Variants in PDE9A observed in about 807,000 individuals in gnomAD.
The protein encoded by PDE9A is high affinity cGMP-specific 3',5'-cyclic phosphodiesterase 9A.
PDE9A carries 60 observed loss-of-function variants against 87.4 expected under a neutral mutation model. That is an observed-to-expected ratio of 0.69 (90% CI 0.56 to 0.85). The LOEUF is 0.85. PDE9A is among the 40% of genes least tolerant of loss of function. The pLI, the probability that PDE9A is intolerant of heterozygous loss-of-function variation, is 0.00. For synonymous variants in PDE9A, 272 were observed against 279.4 expected (o/e 0.97, Z 0.27); for missense variants, 665 against 779.0 (o/e 0.85, Z 1.74).
chr21:42,730,185 C>T (rs2051571149), intron 4 of PDE9A, among the ~76,000 whole-genome samples: 1 of 152,198 alleles, frequency 6.6e-6, no homozygotes, highest in Non-Finnish European at 1.5e-5. Flanking sequence ...TCTTCCCCCA[C>T]TAGTAGGTGT....
At position 42,694,835 on chromosome 21, in the gene PDE9A, G is replaced by A. The variant is rs778534320; in HGVS notation, c.219-4133G>A. On this transcript the variant is annotated intron_variant, in intron 3 of 19. Transcript: ENST00000291539. The surrounding 1 kb of genome is among the most constrained non-coding windows in gnomAD (Gnocchi z 5.3). The stretch of plus-strand genomic sequence containing the variant: ...CCTGTTGGCTACAGGACACTCTCCA[G>A]CCCCCCGCATTGGGATGTCTGGCCC... Among the ~76,000 whole-genome samples the A allele has an allele frequency of 2.6e-5, 4 of 152,102 alleles. No homozygotes were observed. Among genetic ancestry groups the A allele is most frequent in the Non-Finnish European group, 5.9e-5 (4 of 68,016 alleles).
At chr21:42,729,670 C>T (rs1224699618) in intron 4 of PDE9A, among the ~76,000 whole-genome samples, 1 of 152,174 alleles carries the variant, frequency 6.6e-6, no homozygotes, top group African/African-American at 2.4e-5. Flanking sequence ...TTGCTTTAGT[C>T]ATGTCCCACA....
chr21:42,674,616 C>T (rs532244147), intron 1 of PDE9A, among the ~76,000 whole-genome samples: 2 of 152,306 alleles, frequency 1.3e-5, no homozygotes, highest in African/African-American at 4.8e-5. Flanking sequence ...CCGCCTTGTC[C>T]TCCATGCCGG....
At chr21:42,676,712 A>C (rs569186180) in intron 1 of PDE9A, among the ~76,000 whole-genome samples, 1 of 152,084 alleles carries the variant, frequency 6.6e-6, no homozygotes, top group Non-Finnish European at 1.5e-5. Flanking sequence ...GCAGTGCGTC[A>C]CCTTCTCACA....
intron 4 of PDE9A, among the ~76,000 whole-genome samples, chr21:42,708,700 G>A (rs746559063): frequency 2.3e-4 from 35 of 152,086 alleles, no homozygotes; most frequent in African/African-American, 6.0e-4. Flanking sequence ...GATTACAGGC[G>A]CATGCCACCA....
intron 1 of PDE9A, among the ~76,000 whole-genome samples, chr21:42,655,555 C>T (rs998238476): frequency 5.3e-5 from 8 of 152,232 alleles, no homozygotes; most frequent in Admixed American, 2.6e-4. Flanking sequence ...GGCACCTTTG[C>T]GGGGGAGAGG....
intron 1 of PDE9A, among the ~76,000 whole-genome samples, chr21:42,676,724 T>C (rs2058863285): frequency 6.6e-6 from 1 of 152,190 alleles, no homozygotes; most frequent in Non-Finnish European, 1.5e-5. Context: ...CTTCTCACAA[T>C]TGTCAACGGG....
chr21:42,740,755 G>GGATAGATAGATAGATAGATA (rs58917556), intron 7 of PDE9A, among the ~76,000 whole-genome samples: 3 of 140,186 alleles, frequency 2.1e-5, no homozygotes, highest in Non-Finnish European at 1.5e-5. Flanking sequence ...TAGATAAACA[G>GGATAGATAGATAGATAGATA]GATAGATAGA....
chr21:42,669,034 C>T (rs1005127073), intron 1 of PDE9A, among the ~76,000 whole-genome samples: 35 of 152,144 alleles, frequency 2.3e-4, no homozygotes, highest in African/African-American at 8.2e-4. Flanking sequence ...CATACACGCG[C>T]TGAGGCCCAC....
intron 8 of PDE9A, among the ~76,000 whole-genome samples, chr21:42,748,177 G>C (rs1005072508): frequency 6.6e-6 from 1 of 152,232 alleles, no homozygotes; most frequent in Non-Finnish European, 1.5e-5. Flanking sequence ...ACACAAAACA[G>C]GTTAAAAGCA....
chr21:42,670,649 AT>A (rs1452153175), intron 1 of PDE9A, among the ~76,000 whole-genome samples: 1 of 146,984 alleles, frequency 6.8e-6, no homozygotes, highest in African/African-American at 2.7e-5. Context: ...ACAAACTATC[AT>A]TCACACACAT....
At chr21:42,670,782 CACATAT>C (rs1569120538) in intron 1 of PDE9A, among the ~76,000 whole-genome samples, 2 of 152,120 alleles carry the variant, frequency 1.3e-5, no homozygotes, top group African/African-American at 2.4e-5. Flanking sequence ...CACTCTGACA[CACATAT>C]ACATACATTC....
At chr21:42,719,044 C>CAT (rs2050222899) in intron 4 of PDE9A, among the ~76,000 whole-genome samples, 1 of 151,658 alleles carries the variant, frequency 6.6e-6, no homozygotes, top group African/African-American at 2.4e-5. Context: ...ATTTATCAAG[C>CAT]CTCTCTAACT....
chr21:42,766,158 C>T (rs1200697221), intron 15 of PDE9A, among the ~76,000 whole-genome samples: 2 of 152,084 alleles, frequency 1.3e-5, no homozygotes, highest in East Asian at 3.9e-4. Flanking sequence ...AGCAAGACTC[C>T]ATCTCCACAA....
intron 9 of PDE9A, among the ~76,000 whole-genome samples, chr21:42,752,651 G>A (rs374412776): frequency 3.9e-5 from 6 of 152,222 alleles, no homozygotes; most frequent in Admixed American, 2.6e-4. Context: ...CCAGGGAGCC[G>A]TGAAGCACAG....
chr21:42,701,231 T>G (rs997138488), intron 4 of PDE9A: 1 of 152,032 alleles, frequency 6.6e-6, no homozygotes, highest in African/African-American at 2.4e-5. Context: ...GCAAATGGAC[T>G]TTTTTTTCAT....
chr21:42,704,668 G>A lies in PDE9A; in HGVS notation c.262+5657G>A, dbSNP rs2048676520. 1.3e-5 allele frequency among the ~76,000 whole-genome samples: 2 copies of A among 152,004 alleles called. No homozygotes were observed. The highest frequency in any genetic ancestry group is 2.9e-5 in the Non-Finnish European group (2 of 68,002). Reference sequence around the variant, plus strand: ...AGTTCTGGCCTGTAAGCAACCCCAGGTGCCCTTGTGAATCAACAGACCACA... The same window carrying A: ...AGTTCTGGCCTGTAAGCAACCCCAGATGCCCTTGTGAATCAACAGACCACA... On this transcript the variant is annotated intron_variant, in intron 4 of 19. Transcript: ENST00000291539. The surrounding 1 kb of genome is among the most constrained non-coding windows in gnomAD (Gnocchi z 5.3).
At position 42,692,198 on chromosome 21, in the gene PDE9A, A is replaced by G. The variant is rs1037821142; in HGVS notation, c.218+4204A>G. ...GCAGGATGGAATGAGTTGGGGACGG[A>G]GTGAACCAGTCCAGCTCGTGCGTGC... On this transcript the variant is annotated intron_variant, in intron 3 of 19. Coordinates refer to ENST00000291539, the MANE Select transcript of PDE9A (RefSeq NM_002606.3). This position sits in a 1 kb window ranked among gnomAD's most constrained non-coding sequence, Gnocchi z 4.3. 2.6e-5 allele frequency among the ~76,000 whole-genome samples: 4 copies of G among 152,172 alleles called. No individual in the cohort carries two copies. Among genetic ancestry groups the G allele is most frequent in the Admixed American group, 2.0e-4 (3 of 15,272 alleles).
intron 1 of PDE9A, among the ~76,000 whole-genome samples, chr21:42,661,190 C>A (rs1376052220): frequency 6.6e-6 from 1 of 152,074 alleles, no homozygotes; most frequent in African/African-American, 2.4e-5. Context: ...TGCCACCAGG[C>A]CCGGCTAATT....
Sources: gnomAD v4.1 joint callset for allele counts (sites outside exome capture counted in the v4.1 genomes callset) on GRCh38, gnomAD v4.1.1 for gene constraint, Gnocchi (gnomAD v3.1) non-coding constraint, MANE v1.5 for transcripts, NCBI Gene and HGNC (gene_info 2026-07-23, HGNC 2026-07-21) for gene names.